The following NLGN4X variants were observed in gnomAD, a reference collection of about 807,000 sequenced individuals.
The protein encoded by NLGN4X is neuroligin-4, X-linked.
Under a neutral mutation model 40.3 loss-of-function variants are expected in NLGN4X, and 3 were observed. That is an observed-to-expected ratio of 0.07 (90% confidence interval 0.03 to 0.19). The LOEUF is 0.19. NLGN4X is among the 10% of genes least tolerant of loss of function. The pLI is 1.00. For synonymous variants in NLGN4X, 270 were observed against 306.8 expected, an observed-to-expected ratio of 0.88 and a Z score of 1.25; for missense variants, 382 against 708.3, an observed-to-expected ratio of 0.54 and a Z score of 5.23.
chrX:5,922,964 A>T (rs6639540), intron 3 of NLGN4X, among the ~76,000 whole-genome samples: 33,606 of 111,210 alleles, frequency 0.3, 4,501 homozygotes, highest in East Asian at 0.57. Context: ...TGTGTGTGGG[A>T]TAAGTTTGCC....
chrX:6,110,730 C>A (rs964647226), intron 2 of NLGN4X, among the ~76,000 whole-genome samples: 13 of 111,520 alleles, frequency 1.2e-4, no homozygotes, highest in African/African-American at 3.9e-4. Flanking sequence ...AATATCCACC[C>A]AAGAGAAACA....
At chrX:6,066,772 G>C (rs2037928246) in intron 2 of NLGN4X, among the ~76,000 whole-genome samples, 2 of 109,838 alleles carry the variant, frequency 1.8e-5, no homozygotes, top group African/African-American at 6.7e-5. Context: ...GTGACAGAGT[G>C]AGACTCTGTC....
At chrX:5,960,906 T>C (rs2034639615) in intron 3 of NLGN4X, among the ~76,000 whole-genome samples, 1 of 112,384 alleles carries the variant, frequency 8.9e-6, no homozygotes, top group Admixed American at 9.4e-5. Flanking sequence ...CTTACAATAT[T>C]TTTTACAAAA....
At chrX:5,907,814 C>T (rs1326694813) in intron 4 of NLGN4X, among the ~76,000 whole-genome samples, 1 of 106,498 alleles carries the variant, frequency 9.4e-6, no homozygotes, top group African/African-American at 3.4e-5. Context: ...CCTAGTGCTG[C>T]ATGCTGACCT....
rs2031250417 is a variant in NLGN4X, at chrX:5,892,816, G to A, written c.*1C>T. On this transcript the variant is annotated 3_prime_UTR_variant, in exon 6 of 6. Transcript: ENST00000381095. ...GGGATAGGAAGGGAAATAGGGCAAA[G>A]CTATACTCTAGTGGTGGAATGTCCG... 1 of 1,211,268 alleles carries A rather than the reference G, an allele frequency of 8.3e-7. No individual in the cohort carries two copies. The highest frequency in any genetic ancestry group is 1.7e-5 in the African/African-American group (1 of 57,671).
intron 3 of NLGN4X, among the ~76,000 whole-genome samples, chrX:5,979,582 T>C (rs1287581663): frequency 2.7e-5 from 3 of 110,276 alleles, no homozygotes; most frequent in Non-Finnish European, 3.8e-5. Context: ...ATTTGTGCAT[T>C]TATCCAATGA....
intron 2 of NLGN4X, among the ~76,000 whole-genome samples, chrX:6,109,872 A>C (rs1168240793): frequency 8.9e-6 from 1 of 112,029 alleles, no homozygotes; most frequent in African/African-American, 3.2e-5. Flanking sequence ...ACCTGTTAGG[A>C]TCCAGTCTCC....
chrX:6,024,415 C>T (rs763527411), intron 3 of NLGN4X, among the ~76,000 whole-genome samples: 16 of 110,820 alleles, frequency 1.4e-4, no homozygotes, highest in African/African-American at 4.9e-4. Context: ...ATGTCAGAGA[C>T]GTTTGAACCA....
At position 6,032,627 on chromosome X, in the gene NLGN4X, AAAAG is replaced by A. The variant is rs752970473; in HGVS notation, c.473-3199_473-3196del. On this transcript the variant is annotated intron_variant, in intron 2 of 5. Coordinates refer to ENST00000381095, the MANE Select transcript of NLGN4X (RefSeq NM_181332.3). Reference sequence around the variant, plus strand: ...AAAAAACAGATTGAAATGAAAAAAAAAAAGAGAGATAGATAGATATAAAATCATG... The same window carrying A: ...AAAAAACAGATTGAAATGAAAAAAAAAGAGATAGATAGATATAAAATCATG... 1.3e-4 allele frequency: 103 copies of A among 765,803 alleles called. No individual in the cohort carries two copies. The African/African-American group carries it at 2.0e-3, about 15-fold the overall frequency. 63.1% of individuals were successfully genotyped at this position (765,803 alleles called of 1,213,427 possible).
At chrX:6,056,597 G>A (rs990748048) in intron 2 of NLGN4X, among the ~76,000 whole-genome samples, 2 of 112,316 alleles carry the variant, frequency 1.8e-5, no homozygotes, top group South Asian at 3.7e-4. Flanking sequence ...AGAAACATGC[G>A]TTAATTGGAC....
At chrX:6,077,353 A>T (rs183931231) in intron 2 of NLGN4X, among the ~76,000 whole-genome samples, 35 of 108,604 alleles carry the variant, frequency 3.2e-4, no homozygotes, top group Non-Finnish European at 6.1e-4. Flanking sequence ...ACAAGCCAGG[A>T]CAGAGTGCAC....
intron 3 of NLGN4X, among the ~76,000 whole-genome samples, chrX:5,989,941 ATAAAACGT>A (rs2035633306): frequency 9.0e-6 from 1 of 111,717 alleles, no homozygotes; most frequent in African/African-American, 3.3e-5. Flanking sequence ...ATATACTCTA[ATAAAACGT>A]TACGTGAATG....
intron 2 of NLGN4X, among the ~76,000 whole-genome samples, chrX:6,053,463 A>G (rs368942329): frequency 1.8e-5 from 2 of 110,724 alleles, no homozygotes; most frequent in African/African-American, 3.3e-5. Context: ...CCAGCCACAC[A>G]CAAGTGGAAG....
At chrX:5,955,518 G>A (rs966815717) in intron 3 of NLGN4X, among the ~76,000 whole-genome samples, 5 of 110,844 alleles carry the variant, frequency 4.5e-5, no homozygotes, top group Admixed American at 9.7e-5. Flanking sequence ...TTAATATCTC[G>A]AAAGAAACAA....
At chrX:6,201,120 G>A (rs147297466) in intron 1 of NLGN4X, among the ~76,000 whole-genome samples, 553 of 111,900 alleles carry the variant, frequency 4.9e-3, no homozygotes, top group African/African-American at 0.017. Context: ...AAAGTATCAG[G>A]TCTCCTGGCC....
At chrX:6,068,840 C>G (rs961744046) in intron 2 of NLGN4X, among the ~76,000 whole-genome samples, 1 of 111,423 alleles carries the variant, frequency 9.0e-6, no homozygotes, top group Non-Finnish European at 1.9e-5. Context: ...CACTCCATTG[C>G]AAAAGAAGAA....
rs965693668 is a variant in NLGN4X, at chrX:6,084,092, A to G, written c.473-54660T>C. On this transcript the variant is annotated intron_variant, in intron 2 of 5. Coordinates refer to ENST00000381095, the MANE Select transcript of NLGN4X (RefSeq NM_181332.3). ...GAGCTTCTCACAATTGTAGAATAAA[A>G]CCAGAACATAGTGATAAAATGAAAA... 2.7e-5 allele frequency among the ~76,000 whole-genome samples: 3 copies of G among 112,342 alleles called. No homozygotes were observed. The Admixed American group carries it at 2.8e-4, about 11-fold the overall frequency.
chrX:6,079,721 A>T (rs914858550), intron 2 of NLGN4X, among the ~76,000 whole-genome samples: 1 of 112,342 alleles, frequency 8.9e-6, no homozygotes, highest in Non-Finnish European at 1.9e-5. Flanking sequence ...CACTCAATAA[A>T]TGTGAACTAT....
chrX:6,201,801 A>AT (rs1569296390), intron 1 of NLGN4X, among the ~76,000 whole-genome samples: 1 of 110,871 alleles, frequency 9.0e-6, no homozygotes, highest in East Asian at 2.9e-4. Flanking sequence ...CATATAGGCA[A>AT]TGTTGTTGAA....
Sources: allele counts gnomAD v4.1 joint callset (sites outside exome capture counted in the v4.1 genomes callset), GRCh38; gene constraint gnomAD v4.1.1; transcripts MANE v1.5; gene names NCBI Gene and HGNC (gene_info 2026-07-23, HGNC 2026-07-21).